The following TLL2 variants were observed in gnomAD, a reference collection of about 807,000 sequenced individuals.
TLL2 encodes tolloid-like protein 2.
In TLL2, 106 loss-of-function variants were observed where a neutral mutation model predicts 123.0. That is an observed-to-expected ratio of 0.86 (90% CI 0.74 to 1.01). The LOEUF (loss-of-function observed/expected upper bound fraction) is 1.01, where lower values mean the gene tolerates loss of function less well. Ranked by LOEUF, TLL2 falls within the 50% of genes least tolerant of loss-of-function variation. TLL2 has a pLI of 0.00. For synonymous variants in TLL2, 494 were observed against 516.8 expected (o/e 0.96, Z 0.60); for missense variants, 1,332 against 1,336.7 (o/e 1.00, Z 0.06).
At chr10:96,432,261 C>T (rs1846751183) in intron 4 of TLL2, among the ~76,000 whole-genome samples, 1 of 152,182 alleles carries the variant, frequency 6.6e-6, no homozygotes, top group African/African-American at 2.4e-5. Context: ...TTATCATCCC[C>T]ATTTACAGAA....
intron 2 of TLL2, among the ~76,000 whole-genome samples, chr10:96,474,152 G>T (rs1435778960): frequency 1.3e-5 from 2 of 152,128 alleles, no homozygotes; most frequent in Non-Finnish European, 2.9e-5. Flanking sequence ...TCTTCTCACT[G>T]CAAATAAAAT....
chr10:96,497,882 A>G lies in TLL2; in HGVS notation c.175+15629T>C, dbSNP rs920323060. On this transcript the variant is annotated intron_variant, in intron 1 of 20. Coordinates refer to ENST00000357947, the MANE Select transcript of TLL2 (RefSeq NM_012465.4). Reference sequence around the variant, plus strand: ...GGAAGATGGGATTCTGGCTGGTAATAGGGATGACTACTTTGGCCTATGCCA... The same window carrying G: ...GGAAGATGGGATTCTGGCTGGTAATGGGGATGACTACTTTGGCCTATGCCA... Among the ~76,000 whole-genome samples the G allele has an allele frequency of 3.3e-5, 5 of 152,268 alleles. No individual in the cohort carries two copies. In the East Asian group the frequency reaches 9.6e-4, roughly 29 times the overall value.
chr10:96,469,071 G>A (rs1847154708), intron 2 of TLL2, among the ~76,000 whole-genome samples: 1 of 152,246 alleles, frequency 6.6e-6, no homozygotes, highest in African/African-American at 2.4e-5. Context: ...GGCTGCGCCT[G>A]GTTCCTGTGC....
intron 9 of TLL2, among the ~76,000 whole-genome samples, chr10:96,406,739 G>T (rs1020373273): frequency 1.3e-5 from 2 of 151,862 alleles, no homozygotes; most frequent in African/African-American, 4.8e-5. Context: ...TGCCCTTCCC[G>T]CTCCCTACTA....
intron 2 of TLL2, among the ~76,000 whole-genome samples, chr10:96,460,918 C>G (rs1313842217): frequency 2.0e-5 from 3 of 152,174 alleles, no homozygotes; most frequent in Non-Finnish European, 4.4e-5. Flanking sequence ...TACCCAGAAA[C>G]TGAACCTGCC....
chr10:96,500,315 C>G (rs1847522368), intron 1 of TLL2, among the ~76,000 whole-genome samples: 1 of 151,574 alleles, frequency 6.6e-6, no homozygotes, highest in Non-Finnish European at 1.5e-5. Context: ...GACCCTGTCT[C>G]AAAACACAAA....
At chr10:96,385,987 C>G (rs1846230765) in intron 15 of TLL2, 68 bp downstream of exon 15, 2 of 1,435,820 alleles carry the variant, frequency 1.4e-6, no homozygotes, top group Admixed American at 4.7e-5. Context: ...CTCCCAGCCC[C>G]TCACTGGTTT....
At chr10:96,414,070 C>T (rs1046067346) in intron 7 of TLL2, among the ~76,000 whole-genome samples, 4 of 152,166 alleles carry the variant, frequency 2.6e-5, no homozygotes, top group Admixed American at 2.6e-4. Context: ...AGCTTCATTT[C>T]TAAACTAGAC....
At position 96,489,114 on chromosome 10, in the gene TLL2, C is replaced by T. The variant is rs188368530; in HGVS notation, c.176-8655G>A. 7.3e-4 allele frequency among the ~76,000 whole-genome samples: 111 copies of T among 152,328 alleles called. 2 individuals are homozygous for T. In the South Asian group the frequency reaches 0.02, roughly 27 times the overall value. On this transcript the variant is annotated intron_variant, in intron 1 of 20. Transcript: ENST00000357947. The stretch of plus-strand genomic sequence containing the variant: ...AGTGCATAGGGCAACCCTCATGGCA[C>T]ACATTTGCCATCCTTGCCTTCCTCA...
chr10:96,412,622 T>C (rs1352751150), intron 8 of TLL2, among the ~76,000 whole-genome samples: 3 of 152,152 alleles, frequency 2.0e-5, no homozygotes, highest in Non-Finnish European at 4.4e-5. Context: ...TTGTCCCATC[T>C]TCAATGGCAG....
At chr10:96,482,510 T>A (rs1029965461) in intron 1 of TLL2, among the ~76,000 whole-genome samples, 5 of 152,174 alleles carry the variant, frequency 3.3e-5, no homozygotes, top group African/African-American at 9.7e-5. Flanking sequence ...GAACAAACTA[T>A]AGACACAGGC....
In TLL2 at chr10:96,387,841, A is replaced by T. The variant is rs531560129; in HGVS notation, c.1727-763T>A. 2.2e-3 allele frequency among the ~76,000 whole-genome samples: 332 copies of T among 152,152 alleles called. 1 individual carries two copies. The highest frequency in any genetic ancestry group is 4.0e-3 in the Non-Finnish European group (274 of 68,022). The stretch of plus-strand genomic sequence containing the variant: ...GACACTCCCCAGACACATTAACCCA[A>T]GCGCCACTGAAAAAAAGAAAAACCA... On this transcript the variant is annotated intron_variant, in intron 13 of 20. Coordinates refer to ENST00000357947, the MANE Select transcript of TLL2 (RefSeq NM_012465.4).
rs1285354320 is a variant in TLL2, at chr10:96,476,248, T to TTTTTGTTG, written c.286+4100_286+4101insCAACAAAA. On this transcript the variant is annotated intron_variant, in intron 2 of 20. Transcript: ENST00000357947. ...TATATATATATATATATATTTTATT[T>TTTTTGTTG]TTGTTGTTGTTGTTGTTGTTGAGAC... Among the ~76,000 whole-genome samples the TTTTTGTTG allele has an allele frequency of 5.3e-4, 37 of 69,238 alleles. 2 individuals carry two copies. The highest frequency in any genetic ancestry group is 8.5e-3 in the Middle Eastern group (1 of 118). The allele number at this position is 69,238 out of a possible 152,430, so 45.4% of individuals were successfully genotyped here.
intron 3 of TLL2, among the ~76,000 whole-genome samples, chr10:96,435,378 T>C (rs1011738886): frequency 4.6e-5 from 7 of 152,222 alleles, no homozygotes; most frequent in South Asian, 2.1e-4. Flanking sequence ...TCTTGTCAGA[T>C]ATATAATTTC....
rs556148796 is a variant in TLL2, at chr10:96,479,934, G to T, written c.286+415C>A. Among the ~76,000 whole-genome samples the T allele has an allele frequency of 7.2e-5, 11 of 152,258 alleles. No individual in the cohort carries two copies. In the South Asian group the frequency reaches 1.5e-3, roughly 20 times the overall value. The stretch of plus-strand genomic sequence containing the variant: ...ACCCTTCAAGACACCACACACAAGT[G>T]CCCATTCACATGACACCAGGCAGGC... On this transcript the variant is annotated intron_variant, in intron 2 of 20. Coordinates refer to ENST00000357947, the MANE Select transcript of TLL2 (RefSeq NM_012465.4).
At chr10:96,500,822 G>A (rs61858492) in intron 1 of TLL2, among the ~76,000 whole-genome samples, 1 of 74,772 alleles carries the variant, frequency 1.3e-5, no homozygotes, top group Non-Finnish European at 3.1e-5. Flanking sequence ...GGGAGGGAGG[G>A]GAGAGATTGA....
chr10:96,396,131 G>A (rs1048040401), intron 11 of TLL2, 111 bp from the exon 12 acceptor site: 37 of 1,267,082 alleles, frequency 2.9e-5, no homozygotes, highest in Non-Finnish European at 3.5e-5. Context: ...AGGTGGCTCC[G>A]CTCACCAACA....
chr10:96,382,258 T>G (rs2134055936), intron 16 of TLL2, among the ~76,000 whole-genome samples: 1 of 152,350 alleles, frequency 6.6e-6, no homozygotes, highest in East Asian at 1.9e-4. Flanking sequence ...CTCGATCTCT[T>G]GACCTCGTGA....
rs369833135 is a variant in TLL2, at chr10:96,376,739, C to T, written c.2401G>A (p.Glu801Lys). 8.1e-6 allele frequency: 13 copies of T among 1,607,576 alleles called. No homozygotes were observed. The highest frequency in any genetic ancestry group is 1.0e-5 in the Non-Finnish European group (12 of 1,177,468). The change falls in exon 18 of 21, where the codon GAG becomes AAG. Residue 801 changes from glutamate (E) to lysine (K), a missense_variant. Physicochemically the swap from Glu to Lys is moderately conservative, Grantham distance 56 (BLOSUM62 1). Coordinates refer to ENST00000357947, the MANE Select transcript of TLL2 (RefSeq NM_012465.4). ...NWPDKYPSRR[E>K]CTWNISSTAG... ...GTCGAAGAGATGTTCCAGGTACACT[C>T]CCTCCGGCTGGGGTATTTGTCAGGC...
Sources: gnomAD v4.1 joint callset for allele counts (sites outside exome capture counted in the v4.1 genomes callset) on GRCh38, gnomAD v4.1.1 for gene constraint, MANE v1.5 for transcripts, NCBI Gene and HGNC (gene_info 2026-07-23, HGNC 2026-07-21) for gene names.